Variants in TACC2 observed in about 807,000 individuals in gnomAD.
The protein encoded by TACC2 is transforming acidic coiled-coil containing protein 2, also known as transforming acidic coiled-coil-containing protein 2.
Under a neutral mutation model 227.3 loss-of-function variants are expected in TACC2, and 137 were observed. The ratio of observed to expected loss-of-function variants is 0.60; its 90% CI spans 0.52 to 0.69. The LOEUF (loss-of-function observed/expected upper bound fraction) is 0.69. Among genes scored for constraint, TACC2 ranks in the 30% least tolerant of loss-of-function variants. TACC2 has a pLI of 0.00. For synonymous variants in TACC2, 1,523 were observed against 1,487.5 expected (o/e 1.02, Z -0.55); for missense variants, 3,470 against 3,694.4 (o/e 0.94, Z 1.57).
intron 1 of TACC2, among the ~76,000 whole-genome samples, chr10:122,012,164 G>A (rs1441172793): frequency 1.3e-5 from 2 of 152,036 alleles, no homozygotes; most frequent in South Asian, 2.1e-4. Flanking sequence ...GCTCATGCCT[G>A]TAATCCCAGC....
intron 2 of TACC2, among the ~76,000 whole-genome samples, chr10:122,049,284 C>T (rs2075403244): frequency 6.6e-6 from 1 of 152,140 alleles, no homozygotes; most frequent in Non-Finnish European, 1.5e-5. Flanking sequence ...CGGCTTTTCT[C>T]TGCCTGCGAG....
intron 3 of TACC2, among the ~76,000 whole-genome samples, chr10:122,066,497 A>C (rs2077407039): frequency 6.6e-6 from 1 of 152,074 alleles, no homozygotes; most frequent in Admixed American, 6.6e-5. Context: ...TCGAACCCCT[A>C]ACCTTGTGAT....
chr10:122,164,553 A>G (rs376378715), intron 7 of TACC2, among the ~76,000 whole-genome samples: 53 of 152,346 alleles, frequency 3.5e-4, no homozygotes, highest in African/African-American at 1.2e-3. Flanking sequence ...TGGTGGAGGC[A>G]GTGCTTGACT....
intron 1 of TACC2, among the ~76,000 whole-genome samples, chr10:122,006,245 G>A (rs1211657543): frequency 4.6e-5 from 7 of 151,850 alleles, no homozygotes; most frequent in Non-Finnish European, 5.9e-5. Flanking sequence ...TCAGGAGATC[G>A]AGACCATCCT....
At chr10:122,115,321 A>AGC (rs764598979) in intron 5 of TACC2, among the ~76,000 whole-genome samples, 1 of 13,984 alleles carries the variant, frequency 7.2e-5, no homozygotes, top group Admixed American at 1.4e-3. Context: ...TGTGTGTGTG[A>AGC]GATACCTGAG....
intron 1 of TACC2, among the ~76,000 whole-genome samples, chr10:122,002,715 C>T (rs1954554340): frequency 6.6e-6 from 1 of 152,096 alleles, no homozygotes; most frequent in Admixed American, 6.5e-5. Flanking sequence ...TCTGGCAATC[C>T]TCATTTCACT....
chr10:122,233,470 G>A (rs559853825), intron 16 of TACC2, among the ~76,000 whole-genome samples: 2 of 152,320 alleles, frequency 1.3e-5, no homozygotes, highest in African/African-American at 2.4e-5. Flanking sequence ...CCCCCAGCAC[G>A]GTTGAGTGGT....
chr10:122,143,649 G>C lies in TACC2; in HGVS notation c.5777G>C (p.Gly1926Ala), dbSNP rs778606346. The C allele has an allele frequency of 3.1e-6, 5 of 1,614,074 alleles. No individual in the cohort carries two copies. The African/African-American group carries it at 4.0e-5, about 13-fold the overall frequency. Residue 1926 changes from glycine to alanine, a missense_variant, in exon 7 of 23, where the codon GGT (glycine) becomes GCT (alanine). Physicochemically the swap from Gly to Ala is moderately conservative, Grantham distance 60 (BLOSUM62 0). Transcript: ENST00000369005. The part of the protein sequence containing the change: ...EHIVSPSAPA[G>A]DRVEASTPSC... ...ATAGTTTCGCCATCTGCCCCAGCTG[G>C]TGACAGAGTAGAAGCTTCCACTCCC...
intron 2 of TACC2, among the ~76,000 whole-genome samples, chr10:122,035,373 A>G (rs868467866): frequency 6.6e-6 from 1 of 152,238 alleles, no homozygotes; most frequent in African/African-American, 2.4e-5. Flanking sequence ...TTGAGGAGTC[A>G]GATAAGCAAG....
chr10:122,006,428 T>G lies in TACC2; in HGVS notation c.-45-15509T>G, dbSNP rs532789004. On this transcript the variant is annotated intron_variant, in intron 1 of 22. Coordinates refer to ENST00000369005, the MANE Select transcript of TACC2 (RefSeq NM_206862.4). ...TGCGCCACTGCACTTCAGCCTGGGC[T>G]ACAGAGTGAGACTCAGTCTCAAAAA... is the stretch of plus-strand genomic sequence containing the variant. Among the ~76,000 whole-genome samples the G allele has an allele frequency of 4.3e-5, 6 of 138,300 alleles. No individual in the cohort carries two copies. The East Asian group carries it at 1.2e-3, about 28-fold the overall frequency. The allele number at this position is 138,300 out of a possible 152,430, so 90.7% of individuals were successfully genotyped here.
chr10:122,155,103 G>A (rs1229762485), intron 7 of TACC2, among the ~76,000 whole-genome samples: 1 of 152,218 alleles, frequency 6.6e-6, no homozygotes. Context: ...ATGAGGGAAG[G>A]ACGGAGAGGC....
At chr10:122,143,216 C>A (rs1876310) in intron 6 of TACC2, among the ~76,000 whole-genome samples, 145,698 of 152,278 alleles carry the variant, frequency 0.96, 69,945 homozygotes, top group Non-Finnish European at 1. Flanking sequence ...TTGCCTATCA[C>A]AAACGAATAG....
At chr10:122,130,300 TC>T (rs922694901) in intron 5 of TACC2, among the ~76,000 whole-genome samples, 4 of 152,046 alleles carry the variant, frequency 2.6e-5, no homozygotes, top group African/African-American at 9.7e-5. Context: ...CCAGCCAGAC[TC>T]CCCCTTCTTC....
intron 7 of TACC2, among the ~76,000 whole-genome samples, chr10:122,164,571 G>A (rs1411186478): frequency 6.6e-6 from 1 of 152,218 alleles, no homozygotes; most frequent in Non-Finnish European, 1.5e-5. Flanking sequence ...ACTGTGCATC[G>A]ATCCAGGAAT....
chr10:122,065,637 T>G (rs2077295002), intron 3 of TACC2, among the ~76,000 whole-genome samples: 2 of 152,200 alleles, frequency 1.3e-5, no homozygotes, highest in African/African-American at 4.8e-5. Flanking sequence ...TTGGTCATAG[T>G]GTTGTTCACG....
chr10:121,996,637 C>T (rs1953536855), intron 1 of TACC2, among the ~76,000 whole-genome samples: 1 of 152,140 alleles, frequency 6.6e-6, no homozygotes, highest in African/African-American at 2.4e-5. Context: ...GCTAAGCAGG[C>T]AGTCACCATG....
Position 122,086,248 on chromosome 10 carries a change from G to C in TACC2, c.3748G>C (p.Asp1250His). Reference sequence around the variant, plus strand: ...CAGTGCTGCCCAGAGAGGAGCAGAAGACAGTGGAGTGAAAGCTGTTTCCTC... The same window carrying C: ...CAGTGCTGCCCAGAGAGGAGCAGAACACAGTGGAGTGAAAGCTGTTTCCTC... ...VDSAAQRGAE[D>H]SGVKAVSSAD... Residue 1250 changes from aspartate to histidine, a missense_variant, in exon 4 of 23, where the codon GAC becomes CAC. By Grantham distance (81) the Asp-to-His change is moderately conservative (BLOSUM62 -1). Around this residue, in one of 10 missense-constraint regions of TACC2, gnomAD observed 1,924 missense variants for 1,978.3 expected, o/e 0.97. Coordinates refer to ENST00000369005, the MANE Select transcript of TACC2 (RefSeq NM_206862.4). The C allele has an allele frequency of 6.2e-7, 1 of 1,613,994 alleles. No individual in the cohort carries two copies. The highest frequency in any genetic ancestry group is 8.5e-7 in the Non-Finnish European group (1 of 1,180,048).
At chr10:122,226,573 T>A in intron 13 of TACC2, 92 bp downstream of exon 13, 2 of 902,578 alleles carry the variant, frequency 2.2e-6, no homozygotes, top group Non-Finnish European at 3.5e-6. Context: ...TTCATTTCAG[T>A]GCATAGATTC....
At chr10:122,018,512 A>G (rs1044628929) in intron 1 of TACC2, among the ~76,000 whole-genome samples, 1 of 151,366 alleles carries the variant, frequency 6.6e-6, no homozygotes, top group African/African-American at 2.4e-5. Context: ...TCATCACCCT[A>G]AAAAAAAATC....
Sources: gnomAD v4.1 joint callset for allele counts (sites outside exome capture counted in the v4.1 genomes callset) on GRCh38, gnomAD v4.1.1 for gene constraint, gnomAD v4.1.1 regional missense constraint, MANE v1.5 for transcripts, NCBI Gene and HGNC (gene_info 2026-07-23, HGNC 2026-07-21) for gene names.